Variants in LNX1 observed in about 807,000 individuals in gnomAD.
LNX1 encodes ligand of numb-protein X 1, also known as E3 ubiquitin-protein ligase LNX.
Under a neutral mutation model 68.4 loss-of-function variants are expected in LNX1, and 54 were observed. The observed-to-expected ratio is 0.79, with a 90% CI of 0.63 to 0.99. The LOEUF (loss-of-function observed/expected upper bound fraction) is 0.99. Ranked by LOEUF, LNX1 falls within the 50% of genes least tolerant of loss-of-function variation. The probability of loss-of-function intolerance (pLI) is 0.00; values close to 1 mark genes in which losing one functional copy is unlikely to be tolerated. For synonymous variants in LNX1, 336 were observed against 350.0 expected, an observed-to-expected ratio of 0.96 and a Z score of 0.45; for missense variants, 906 against 926.4, an observed-to-expected ratio of 0.98 and a Z score of 0.29.
Position 53,460,739 on chromosome 4 carries a change from AATC to A in LNX1, c.*165_*167del, listed in dbSNP as rs1223963274. ...AAACTAGTAGTTTTAATTTTTTTGG[AATC>A]ATATTTTCTGAGGTGTAACTGGCTT... On this transcript the variant is annotated 3_prime_UTR_variant, in exon 11 of 11. Coordinates refer to ENST00000263925, the MANE Select transcript of LNX1 (RefSeq NM_001126328.3). 1.6e-6 allele frequency: 1 copy of A among 629,706 alleles called. No homozygotes were observed. The highest frequency in any genetic ancestry group is 3.2e-5 in the East Asian group (1 of 30,978). The allele number at this position is 629,706 out of a possible 1,614,324, so 39.0% of individuals were successfully genotyped here.
chr4:53,550,170 A>C (rs558730131), intron 2 of LNX1, among the ~76,000 whole-genome samples: 6 of 152,376 alleles, frequency 3.9e-5, no homozygotes, highest in African/African-American at 1.4e-4. Flanking sequence ...TAAATGAATG[A>C]GGGCCATGCG....
chr4:53,526,408 A>T (rs1183535124), intron 2 of LNX1, among the ~76,000 whole-genome samples: 2 of 152,116 alleles, frequency 1.3e-5, no homozygotes, highest in Non-Finnish European at 2.9e-5. Flanking sequence ...CCTGGCACAA[A>T]ATGGGGAAAC....
chr4:53,526,768 T>G lies in LNX1; in HGVS notation c.381-18541A>C, dbSNP rs149136906. ...ATTACTCTCTTTTCTCTTGAACTTTTGTAACCTCTGGAACTTATCAGTTGT... is the reference window on the plus strand; with the variant it reads ...ATTACTCTCTTTTCTCTTGAACTTTGGTAACCTCTGGAACTTATCAGTTGT... On this transcript the variant is annotated intron_variant, in intron 2 of 10. Coordinates refer to ENST00000263925, the MANE Select transcript of LNX1 (RefSeq NM_001126328.3). Among the ~76,000 whole-genome samples the G allele has an allele frequency of 6.6e-5, 10 of 152,140 alleles. No homozygotes were observed. The East Asian group carries it at 1.9e-3, about 29-fold the overall frequency.
chr4:53,507,889 T>C lies in LNX1; in HGVS notation c.622+97A>G. The C allele has an allele frequency of 2.0e-6, 3 of 1,466,804 alleles. No individual in the cohort carries two copies. The South Asian group carries it at 4.2e-5, about 20-fold the overall frequency. 90.9% of individuals were successfully genotyped at this position (1,466,804 alleles called of 1,614,324 possible). Reference sequence around the variant, plus strand: ...CCAAAACTACCAGAACGATTTCCCCTTAAAAAACATTTACAGAACTTTCCA... The same window carrying C: ...CCAAAACTACCAGAACGATTTCCCCCTAAAAAACATTTACAGAACTTTCCA... On this transcript the variant is annotated intron_variant, in intron 3 of 10. Transcript: ENST00000263925.
intron 2 of LNX1, among the ~76,000 whole-genome samples, chr4:53,562,280 G>A (rs1730345610): frequency 1.3e-5 from 2 of 152,184 alleles, no homozygotes; most frequent in African/African-American, 4.8e-5. Flanking sequence ...CACTGGTAAT[G>A]GCCTCCAGTT....
upstream of LNX1, chr4:53,593,978 C>T (rs1231312202): frequency 1.3e-5 from 2 of 152,046 alleles, no homozygotes; most frequent in Non-Finnish European, 2.9e-5. Context: ...TGATTTCATG[C>T]TCACTGGGAC....
chr4:53,510,518 G>A (rs1726253014), intron 2 of LNX1, among the ~76,000 whole-genome samples: 2 of 152,208 alleles, frequency 1.3e-5, no homozygotes, highest in Admixed American at 1.3e-4. Context: ...GAATTCGTGA[G>A]GTTTTACTGT....
chr4:53,537,330 G>A (rs1338440955), intron 2 of LNX1, among the ~76,000 whole-genome samples: 2 of 152,098 alleles, frequency 1.3e-5, no homozygotes, highest in Non-Finnish European at 2.9e-5. Context: ...AATAGCCTTG[G>A]GTCCACCCTT....
chr4:53,607,232 G>C (rs1009705446), intron 2 of LNX1, among the ~76,000 whole-genome samples: 24 of 152,146 alleles, frequency 1.6e-4, no homozygotes, highest in African/African-American at 5.8e-4. Flanking sequence ...TTGCCTAAAA[G>C]CTCACTGATC....
chr4:53,593,021 A>G (rs1477208383), upstream of LNX1: 1 of 152,246 alleles, frequency 6.6e-6, no homozygotes, highest in Admixed American at 6.5e-5. Flanking sequence ...GCTTAAAACA[A>G]CAACAACCAC....
At chr4:53,630,414 A>G (rs573622921) in intron 1 of LNX1, among the ~76,000 whole-genome samples, 2 of 152,294 alleles carry the variant, frequency 1.3e-5, no homozygotes, top group East Asian at 3.9e-4. Context: ...CAGAGTTCAG[A>G]CAAGGTGACC....
chr4:53,652,342 C>G (rs981231204), exon 1 of LNX1: 7 of 152,230 alleles, frequency 4.6e-5, no homozygotes, highest in African/African-American at 1.7e-4. Context: ...CGGGGGTTAA[C>G]CTGGGCATCC....
rs1212197667 is a variant in LNX1, at chr4:53,638,712, A to C, written c.-215+13456T>G. 2.0e-5 allele frequency among the ~76,000 whole-genome samples: 3 copies of C among 152,210 alleles called. No individual in the cohort carries two copies. In the East Asian group the frequency reaches 5.8e-4, roughly 29 times the overall value. ...AAACTGTGATGTACCTTACAGAGGA[A>C]GTATCTATGTTAGAGAAGCATCATT... On this transcript the variant is annotated intron_variant, in intron 1 of 2. Coordinates refer to the LNX1 transcript ENST00000507168.
chr4:53,527,076 G>C (rs1257039282), intron 2 of LNX1, among the ~76,000 whole-genome samples: 1 of 109,324 alleles, frequency 9.1e-6, no homozygotes, highest in Non-Finnish European at 2.0e-5. Context: ...AAAAAAACTA[G>C]AAGAACAAAA....
At chr4:53,488,469 G>C (rs757609521) in intron 6 of LNX1, among the ~76,000 whole-genome samples, 27 of 152,196 alleles carry the variant, frequency 1.8e-4, no homozygotes, top group Non-Finnish European at 3.7e-4. Context: ...TGGACTCGCT[G>C]TAATAAAGTT....
chr4:53,635,663 A>C (rs1190970617), intron 1 of LNX1, among the ~76,000 whole-genome samples: 1 of 152,208 alleles, frequency 6.6e-6, no homozygotes, highest in African/African-American at 2.4e-5. Flanking sequence ...GATTCTATGC[A>C]ACTCATGAAA....
At chr4:53,612,146 A>G (rs1203915103) in intron 2 of LNX1, among the ~76,000 whole-genome samples, 1 of 152,226 alleles carries the variant, frequency 6.6e-6, no homozygotes, top group African/African-American at 2.4e-5. Context: ...AAATTTACCA[A>G]AAGTGAGGGG....
chr4:53,533,412 T>C (rs1340234472), intron 2 of LNX1, among the ~76,000 whole-genome samples: 2 of 152,208 alleles, frequency 1.3e-5, no homozygotes, highest in Non-Finnish European at 2.9e-5. Context: ...GAGACTTTTT[T>C]ATTTGAGGTG....
intron 2 of LNX1, among the ~76,000 whole-genome samples, chr4:53,570,696 A>AAAT (rs1190997092): frequency 6.6e-6 from 1 of 150,458 alleles, no homozygotes; most frequent in Admixed American, 6.6e-5. Flanking sequence ...ATAAATAAAT[A>AAAT]AAAGAAAAAT....
Sources: gnomAD v4.1 joint callset for allele counts (sites outside exome capture counted in the v4.1 genomes callset) on GRCh38, gnomAD v4.1.1 for gene constraint, MANE v1.5 for transcripts, NCBI Gene and HGNC (gene_info 2026-07-23, HGNC 2026-07-21) for gene names.